GRID2: variants seen among roughly 807,000 people sequenced by gnomAD.
The protein encoded by GRID2 is glutamate ionotropic receptor delta type subunit 2.
GRID2 carries 33 observed loss-of-function variants against 114.8 expected under a neutral mutation model. The ratio of observed to expected loss-of-function variants is 0.29; its 90% CI spans 0.22 to 0.38. The LOEUF (loss-of-function observed/expected upper bound fraction) is 0.38, where lower values mean the gene tolerates loss of function less well. GRID2 is among the 10% of genes least tolerant of loss of function. The pLI is 1.00. For missense variants in GRID2, 1,184 were observed against 1,257.7 expected, an observed-to-expected ratio of 0.94 and a Z score of 0.89; for synonymous variants, 505 against 449.9, an observed-to-expected ratio of 1.12 and a Z score of -1.55.
chr4:92,769,320 C>T (rs957249972), intron 2 of GRID2, among the ~76,000 whole-genome samples: 1 of 152,188 alleles, frequency 6.6e-6, no homozygotes, highest in African/African-American at 2.4e-5. Flanking sequence ...GCCCCTGTAG[C>T]TTTGCAGGGC....
intron 2 of GRID2, among the ~76,000 whole-genome samples, chr4:92,804,918 A>G (rs1030616003): frequency 1.3e-5 from 2 of 152,032 alleles, no homozygotes; most frequent in Admixed American, 6.6e-5. Flanking sequence ...ATTGATGGGA[A>G]TGATAACTTA....
intron 8 of GRID2, among the ~76,000 whole-genome samples, chr4:93,359,411 T>G (rs993164468): frequency 6.6e-6 from 1 of 151,910 alleles, no homozygotes; most frequent in African/African-American, 2.4e-5. Flanking sequence ...CCTCAAGCAT[T>G]TATCATTTGA....
chr4:92,409,157 G>A (rs966511200), intron 1 of GRID2, among the ~76,000 whole-genome samples: 2 of 152,010 alleles, frequency 1.3e-5, no homozygotes, highest in African/African-American at 2.4e-5. Context: ...TGCCTAGTTG[G>A]TCGAGGGTTT....
chr4:93,149,965 T>A (rs1266944063), intron 4 of GRID2, among the ~76,000 whole-genome samples: 1 of 151,852 alleles, frequency 6.6e-6, no homozygotes, highest in Non-Finnish European at 1.5e-5. Context: ...GTCACAAAGA[T>A]AGTCTTCAAA....
chr4:92,809,584 T>G (rs1456786131), intron 2 of GRID2, among the ~76,000 whole-genome samples: 1 of 151,984 alleles, frequency 6.6e-6, no homozygotes, highest in Non-Finnish European at 1.5e-5. Context: ...AATTGCAACA[T>G]TCCATTTCGC....
Position 93,774,023 on chromosome 4 carries a change from A to T in GRID2, c.*1525A>T, listed in dbSNP as rs1057123237. 6.6e-6 allele frequency: 1 copy of T among 152,122 alleles called. No homozygotes were observed. The highest frequency in any genetic ancestry group is 2.4e-5 in the African/African-American group (1 of 41,446). 9.4% of individuals were successfully genotyped at this position (152,122 alleles called of 1,614,324 possible). A position where few individuals can be genotyped will look rare whatever the true frequency, so the allele number is the denominator to read the frequency against. ...ATTCTGTGTTTTTACGCAGCCATAC[A>T]CTTACTTTAATCTAACTCATTCTGT... is the stretch of plus-strand genomic sequence containing the variant. On this transcript the variant is annotated 3_prime_UTR_variant, in exon 16 of 16. Coordinates refer to ENST00000282020, the MANE Select transcript of GRID2 (RefSeq NM_001510.4).
chr4:93,490,367 G>T (rs1168483219), intron 11 of GRID2, among the ~76,000 whole-genome samples: 1 of 151,674 alleles, frequency 6.6e-6, no homozygotes, highest in African/African-American at 2.4e-5. Context: ...TATAATAAAA[G>T]GTAATTAATT....
intron 13 of GRID2, among the ~76,000 whole-genome samples, chr4:93,580,330 T>C (rs947699885): frequency 3.3e-5 from 5 of 152,180 alleles, no homozygotes; most frequent in Non-Finnish European, 7.3e-5. Flanking sequence ...TCTTCCCCGT[T>C]TCCTACCATA....
In GRID2 at chr4:92,583,378, A is replaced by G. The variant is rs546387529; in HGVS notation, c.89-6753A>G. On this transcript the variant is annotated intron_variant, in intron 1 of 15. Transcript: ENST00000282020. The stretch of plus-strand genomic sequence containing the variant: ...ATTGTCATGAATTTGATGTATATCC[A>G]GCACCTCCTTTCCAACAATTAGAGT... 5.3e-5 allele frequency among the ~76,000 whole-genome samples: 8 copies of G among 152,196 alleles called. No homozygotes were observed. In the South Asian group the frequency reaches 1.7e-3, roughly 32 times the overall value.
chr4:93,049,300 A>C (rs1008380568), intron 2 of GRID2, among the ~76,000 whole-genome samples: 1 of 152,076 alleles, frequency 6.6e-6, no homozygotes, highest in African/African-American at 2.4e-5. Flanking sequence ...ATAAAAATGC[A>C]AGACCCTCAT....
At chr4:93,380,674 TCTTA>T (rs1221359119) in intron 8 of GRID2, among the ~76,000 whole-genome samples, 2 of 151,970 alleles carry the variant, frequency 1.3e-5, no homozygotes, top group Non-Finnish European at 2.9e-5. Flanking sequence ...ATGTACAACT[TCTTA>T]CTAATAGAAG....
Position 93,407,456 on chromosome 4 carries a change from G to T in GRID2, c.1347+11748G>T, listed in dbSNP as rs111771226. Among the ~76,000 whole-genome samples the T allele has an allele frequency of 2.5e-3, 384 of 152,144 alleles. 1 individual carries two copies. Among genetic ancestry groups the T allele is most frequent in the African/African-American group, 8.6e-3 (356 of 41,514 alleles). On this transcript the variant is annotated intron_variant, in intron 9 of 15. Transcript: ENST00000282020. ...ATGTTCCTTGGGATTTTTAATGATC[G>T]GTCGAAATACAGAGGTTTTGGTTTT...
chr4:92,815,413 A>G (rs533762389), intron 2 of GRID2, among the ~76,000 whole-genome samples: 60 of 152,308 alleles, frequency 3.9e-4, no homozygotes, highest in African/African-American at 1.3e-3. Flanking sequence ...TTTAAACATC[A>G]GAAAGACAAA....
chr4:93,112,560 C>A (rs1217689377), intron 4 of GRID2, among the ~76,000 whole-genome samples: 1 of 152,156 alleles, frequency 6.6e-6, no homozygotes, highest in Non-Finnish European at 1.5e-5. Flanking sequence ...CCTGAAGCCT[C>A]CTCAGCCATG....
chr4:92,339,732 G>A (rs1044855879), intron 1 of GRID2, among the ~76,000 whole-genome samples: 1 of 152,048 alleles, frequency 6.6e-6, no homozygotes, highest in Non-Finnish European at 1.5e-5. Flanking sequence ...TTATTTCACT[G>A]TTATGGATCC....
At chr4:92,313,710 A>C (rs1725825789) in intron 1 of GRID2, among the ~76,000 whole-genome samples, 1 of 152,084 alleles carries the variant, frequency 6.6e-6, no homozygotes. Flanking sequence ...TAGAAGGAGA[A>C]GTGAGAAACC....
At chr4:93,549,061 A>G (rs930954781) in intron 13 of GRID2, among the ~76,000 whole-genome samples, 6 of 152,234 alleles carry the variant, frequency 3.9e-5, no homozygotes, top group Non-Finnish European at 7.3e-5. Flanking sequence ...TCTTTATCAA[A>G]TCAAAGATCA....
intron 2 of GRID2, among the ~76,000 whole-genome samples, chr4:93,016,611 A>G (rs909668137): frequency 6.6e-6 from 1 of 152,162 alleles, no homozygotes; most frequent in South Asian, 2.1e-4. Flanking sequence ...TGGAATGTAG[A>G]GGTGTCCAAA....
intron 12 of GRID2, among the ~76,000 whole-genome samples, chr4:93,512,310 A>G (rs1729271655): frequency 6.6e-6 from 1 of 152,110 alleles, no homozygotes; most frequent in South Asian, 2.1e-4. Context: ...GACCTACTAT[A>G]TTTCCTTTAA....
Sources: allele counts gnomAD v4.1 joint callset (sites outside exome capture counted in the v4.1 genomes callset), GRCh38; gene constraint gnomAD v4.1.1; transcripts MANE v1.5; gene names NCBI Gene and HGNC (gene_info 2026-07-23, HGNC 2026-07-21).